Variants in ZFHX3 observed in about 807,000 individuals in gnomAD.
ZFHX3 encodes zinc finger homeobox protein 3.
ZFHX3 carries 42 observed loss-of-function variants against 279.1 expected under a neutral mutation model. The ratio of observed to expected loss-of-function variants is 0.15; its 90% CI spans 0.12 to 0.19. The LOEUF (loss-of-function observed/expected upper bound fraction) is 0.19. Among genes scored for constraint, ZFHX3 ranks in the 10% least tolerant of loss-of-function variants. The probability of loss-of-function intolerance (pLI) is 1.00; values close to 1 mark genes in which losing one functional copy is unlikely to be tolerated. For missense variants in ZFHX3, 4,981 were observed against 4,754.0 expected, an observed-to-expected ratio of 1.05 and a Z score of -1.40; for synonymous variants, 2,293 against 1,957.8, an observed-to-expected ratio of 1.17 and a Z score of -4.52.
chr16:73,392,947 G>A (rs537331442), intron 3 of ZFHX3, among the ~76,000 whole-genome samples: 32 of 152,136 alleles, frequency 2.1e-4, no homozygotes, highest in Non-Finnish European at 1.3e-4. Flanking sequence ...TCATTCTCCC[G>A]CCTCAGCCTC....
chr16:73,507,670 T>C (rs2019351982), intron 2 of ZFHX3, among the ~76,000 whole-genome samples: 1 of 151,872 alleles, frequency 6.6e-6, no homozygotes, highest in Non-Finnish European at 1.5e-5. Context: ...TGATTTTTCT[T>C]TTAATGTTTT....
At chr16:73,598,056 T>C (rs1215347294) in intron 2 of ZFHX3, among the ~76,000 whole-genome samples, 5 of 152,108 alleles carry the variant, frequency 3.3e-5, no homozygotes, top group Non-Finnish European at 1.5e-5. Context: ...TCAAATGTGA[T>C]TCAATATGAG....
intron 8 of ZFHX3, among the ~76,000 whole-genome samples, chr16:73,085,259 T>C (rs1164926954): frequency 4.6e-5 from 7 of 152,056 alleles, no homozygotes; most frequent in African/African-American, 1.7e-4. Flanking sequence ...TACAACTCAT[T>C]TTATTATTAT....
At chr16:73,558,789 T>G (rs2020326050) in intron 2 of ZFHX3, among the ~76,000 whole-genome samples, 1 of 140,598 alleles carries the variant, frequency 7.1e-6, no homozygotes, top group Non-Finnish European at 1.5e-5. Flanking sequence ...GTCGGCTCAC[T>G]ACAACCTCTG....
intron 2 of ZFHX3, among the ~76,000 whole-genome samples, chr16:73,652,662 A>T (rs1265476543): frequency 6.6e-6 from 1 of 152,204 alleles, no homozygotes; most frequent in South Asian, 2.1e-4. Flanking sequence ...AATGAAGTTA[A>T]CGTGTTAAAG....
chr16:72,812,128 T>C (rs2036473986), intron 5 of ZFHX3, 90 bp from the exon 6 acceptor site: 9 of 1,502,836 alleles, frequency 6.0e-6, no homozygotes, highest in Non-Finnish European at 8.0e-6. Context: ...CATTCATTTA[T>C]AGCACAGGAT....
intron 7 of ZFHX3, among the ~76,000 whole-genome samples, chr16:73,130,338 G>T (rs1441437211): frequency 6.6e-6 from 1 of 151,966 alleles, no homozygotes; most frequent in Admixed American, 6.5e-5. Flanking sequence ...TGCGTTCTTG[G>T]GCACTTAATT....
chr16:73,775,137 C>G (rs1001335293), intron 1 of ZFHX3, among the ~76,000 whole-genome samples: 1 of 152,162 alleles, frequency 6.6e-6, no homozygotes, highest in Non-Finnish European at 1.5e-5. Context: ...TCAAGGTACT[C>G]CTATGGGAAA....
chr16:73,634,328 T>A (rs993277942), intron 2 of ZFHX3, among the ~76,000 whole-genome samples: 4 of 151,448 alleles, frequency 2.6e-5, no homozygotes, highest in Non-Finnish European at 5.9e-5. Flanking sequence ...TCGATGTGAC[T>A]TATATGAAGA....
At chr16:72,885,830 C>G (rs1368987464) in intron 4 of ZFHX3, among the ~76,000 whole-genome samples, 3 of 152,176 alleles carry the variant, frequency 2.0e-5, no homozygotes, top group African/African-American at 7.2e-5. Flanking sequence ...CTCTAGACAG[C>G]ACAGCCATGG....
chr16:73,241,919 C>T (rs367899322), intron 5 of ZFHX3, among the ~76,000 whole-genome samples: 1 of 151,080 alleles, frequency 6.6e-6, no homozygotes, highest in East Asian at 2.0e-4. Context: ...GATCCTAAAA[C>T]GTTGAGTGAC....
At chr16:73,695,273 G>A (rs2053187421) in intron 1 of ZFHX3, among the ~76,000 whole-genome samples, 1 of 135,206 alleles carries the variant, frequency 7.4e-6, no homozygotes, top group African/African-American at 2.7e-5. Context: ...GTCTTCCTCT[G>A]TAGCCAGGCT....
chr16:73,426,263 G>A (rs533827972), intron 3 of ZFHX3, among the ~76,000 whole-genome samples: 1 of 152,210 alleles, frequency 6.6e-6, no homozygotes, highest in African/African-American at 2.4e-5. Flanking sequence ...ACCCCTTGGA[G>A]TCAGGGAGGA....
Position 73,533,798 on chromosome 16 carries a change from G to A in ZFHX3, c.-1546-77540C>T, listed in dbSNP as rs374163795. On this transcript the variant is annotated intron_variant, in intron 2 of 17. Transcript: ENST00000641206. Reference sequence around the variant, plus strand: ...CATCTTGAACTCCCTCTCTTTTACAGCCTTCTTCTAACCCATCAGGAAATC... The same window carrying A: ...CATCTTGAACTCCCTCTCTTTTACAACCTTCTTCTAACCCATCAGGAAATC... 1.8e-3 allele frequency among the ~76,000 whole-genome samples: 281 copies of A among 152,208 alleles called. 2 individuals are homozygous for A. The highest frequency in any genetic ancestry group is 4.8e-3 in the African/African-American group (199 of 41,536).
intron 3 of ZFHX3, among the ~76,000 whole-genome samples, chr16:73,452,703 T>C (rs2143562353): frequency 6.6e-6 from 1 of 152,318 alleles, no homozygotes; most frequent in African/African-American, 2.4e-5. Context: ...TTTGTTGGAT[T>C]TACTTACCTT....
At chr16:73,103,273 G>C (rs1427842114) in intron 7 of ZFHX3, among the ~76,000 whole-genome samples, 2 of 152,040 alleles carry the variant, frequency 1.3e-5, no homozygotes, top group Non-Finnish European at 2.9e-5. Context: ...ACTGGATAAG[G>C]CTTAAAATCC....
chr16:73,129,639 CGTGTGCGT>C (rs1567396340), intron 7 of ZFHX3, among the ~76,000 whole-genome samples: 3 of 150,076 alleles, frequency 2.0e-5, no homozygotes, highest in African/African-American at 5.0e-5. Flanking sequence ...TGCGTGTGTG[CGTGTGCGT>C]GTGTGCATGT....
intron 8 of ZFHX3, among the ~76,000 whole-genome samples, chr16:73,084,809 C>T (rs533325688): frequency 3.2e-4 from 49 of 152,162 alleles, no homozygotes; most frequent in East Asian, 7.7e-4. Context: ...CATGAGCCAC[C>T]GCGTCTGGCC....
chr16:73,254,890 G>C (rs537602209), intron 5 of ZFHX3, among the ~76,000 whole-genome samples: 7 of 149,348 alleles, frequency 4.7e-5, no homozygotes, highest in African/African-American at 1.8e-4. Context: ...CCATCCACCT[G>C]TTTATCTATC....
Sources: allele counts gnomAD v4.1 joint callset (sites outside exome capture counted in the v4.1 genomes callset), GRCh38; gene constraint gnomAD v4.1.1; transcripts MANE v1.5; gene names NCBI Gene and HGNC (gene_info 2026-07-23, HGNC 2026-07-21).